MARCHF1: variants seen among roughly 807,000 people sequenced by gnomAD.
The protein encoded by MARCHF1 is membrane associated ring-CH-type finger 1.
A neutral mutation model predicts 54.2 loss-of-function variants in MARCHF1; 40 were observed. The ratio of observed to expected loss-of-function variants is 0.74; its 90% CI spans 0.57 to 0.96. MARCHF1 has a LOEUF of 0.96. MARCHF1 is among the 40% of genes least tolerant of loss of function. MARCHF1 has a pLI of 0.00. For missense variants in MARCHF1, 586 were observed against 656.5 expected, an observed-to-expected ratio of 0.89 and a Z score of 1.17; for synonymous variants, 236 against 236.3, an observed-to-expected ratio of 1.00 and a Z score of 0.01.
At chr4:164,042,598 A>G (rs188207678) in intron 2 of MARCHF1, among the ~76,000 whole-genome samples, 1 of 152,210 alleles carries the variant, frequency 6.6e-6, no homozygotes, top group East Asian at 1.9e-4. Flanking sequence ...AATCCAAACC[A>G]TATATTCTAC....
chr4:164,156,944 C>G (rs1730094510), intron 1 of MARCHF1, among the ~76,000 whole-genome samples: 1 of 152,134 alleles, frequency 6.6e-6, no homozygotes, highest in Admixed American at 6.5e-5. Context: ...GAGATTTGTT[C>G]ATGCGTTAAA....
Position 163,566,992 on chromosome 4 carries a change from C to A in MARCHF1, c.1191+18757G>T, listed in dbSNP as rs763128476. ...TTCACCAACACACCTTGCATGCAAACTCTTAGGGACCACATGAACCAGGAA... is the reference window on the plus strand; with the variant it reads ...TTCACCAACACACCTTGCATGCAAAATCTTAGGGACCACATGAACCAGGAA... On this transcript the variant is annotated intron_variant, in intron 8 of 9. Coordinates refer to ENST00000514618, the MANE Select transcript of MARCHF1 (RefSeq NM_001394959.1). Among the ~76,000 whole-genome samples the A allele has an allele frequency of 2.6e-4, 40 of 152,166 alleles. 1 individual carries two copies. The highest frequency in any genetic ancestry group is 5.3e-4 in the Non-Finnish European group (36 of 68,018).
intron 5 of MARCHF1, among the ~76,000 whole-genome samples, chr4:163,646,147 C>T (rs1742752062): frequency 6.6e-6 from 1 of 152,068 alleles, no homozygotes. Context: ...CTGGTCACAT[C>T]CAAGGGAACC....
intron 1 of MARCHF1, among the ~76,000 whole-genome samples, chr4:164,222,822 G>C (rs544055244): frequency 6.6e-6 from 1 of 152,014 alleles, no homozygotes; most frequent in Non-Finnish European, 1.5e-5. Flanking sequence ...TAACACAGAA[G>C]GAATAATAAA....
chr4:163,924,099 G>A (rs79304881), intron 3 of MARCHF1, among the ~76,000 whole-genome samples: 3,571 of 152,134 alleles, frequency 0.023, 130 homozygotes, highest in African/African-American at 0.082. Context: ...CTTGATGCAT[G>A]GAGTGTAGAA....
chr4:163,839,399 T>C (rs1041344972), intron 4 of MARCHF1, among the ~76,000 whole-genome samples: 1 of 152,086 alleles, frequency 6.6e-6, no homozygotes, highest in Non-Finnish European at 1.5e-5. Context: ...TAGGTTCACA[T>C]AAAAGCTTGC....
chr4:163,898,260 A>G (rs1401769168), intron 3 of MARCHF1, among the ~76,000 whole-genome samples: 1 of 152,144 alleles, frequency 6.6e-6, no homozygotes, highest in Non-Finnish European at 1.5e-5. Flanking sequence ...GGCAACCTAC[A>G]GAATGGGAGA....
chr4:164,155,337 A>T (rs930222026), intron 1 of MARCHF1, among the ~76,000 whole-genome samples: 2 of 151,756 alleles, frequency 1.3e-5, no homozygotes, highest in African/African-American at 4.8e-5. Context: ...AAACTTTCAA[A>T]AAAAAAAGAA....
chr4:164,185,988 G>C (rs1201218139), intron 1 of MARCHF1, among the ~76,000 whole-genome samples: 1 of 152,168 alleles, frequency 6.6e-6, no homozygotes, highest in African/African-American at 2.4e-5. Flanking sequence ...CTGCCTCTGG[G>C]TTCAAGTGAT....
rs529021137 is a variant in MARCHF1 at position 163,940,239 on chromosome 4, T to C, written c.-39+48262A>G. On this transcript the variant is annotated intron_variant, in intron 3 of 9. Transcript: ENST00000514618. ...TGTTGTTTAGCCACTAACTTTATGA[T>C]GTTCTATTATATAATGGCAGTTTGC... Among the ~76,000 whole-genome samples the C allele has an allele frequency of 4.6e-5, 7 of 152,258 alleles. No homozygotes were observed. The South Asian group carries it at 1.5e-3, about 32-fold the overall frequency.
chr4:164,197,802 A>G, intron 1 of MARCHF1: 2 of 1,587,184 alleles, frequency 1.3e-6, no homozygotes, highest in Non-Finnish European at 1.7e-6. Flanking sequence ...AGGACTTTGA[A>G]GACTCAACCA....
intron 4 of MARCHF1, among the ~76,000 whole-genome samples, chr4:163,752,492 TCA>T (rs968308471): frequency 2.6e-5 from 4 of 152,198 alleles, no homozygotes; most frequent in Non-Finnish European, 5.9e-5. Flanking sequence ...GACTTTAGCC[TCA>T]GTTTCTTTGT....
intron 1 of MARCHF1, among the ~76,000 whole-genome samples, chr4:164,284,319 TGA>T (rs1221486050): frequency 1.7e-4 from 22 of 126,108 alleles, no homozygotes; most frequent in African/African-American, 6.5e-4. Flanking sequence ...CTAAAGAAAG[TGA>T]GAGAGAGAGA....
chr4:164,337,957 T>C (rs1002263643), intron 1 of MARCHF1, among the ~76,000 whole-genome samples: 1 of 152,224 alleles, frequency 6.6e-6, no homozygotes, highest in African/African-American at 2.4e-5. Flanking sequence ...AATGCCTAAG[T>C]ATCTCAGAAT....
intron 9 of MARCHF1, among the ~76,000 whole-genome samples, chr4:163,534,548 C>G (rs186497948): frequency 2.4e-4 from 36 of 152,140 alleles, no homozygotes; most frequent in African/African-American, 8.4e-4. Flanking sequence ...TGGAGTTAAA[C>G]TCTTTGAAGG....
At chr4:164,141,165 G>C (rs1408484147) in intron 1 of MARCHF1, among the ~76,000 whole-genome samples, 1 of 152,144 alleles carries the variant, frequency 6.6e-6, no homozygotes, top group Non-Finnish European at 1.5e-5. Context: ...GTAGCAACAG[G>C]CATCAATGAT....
chr4:163,867,553 G>A (rs1750079890), intron 3 of MARCHF1, among the ~76,000 whole-genome samples: 1 of 151,536 alleles, frequency 6.6e-6, no homozygotes, highest in South Asian at 2.1e-4. Flanking sequence ...ATATGCCATT[G>A]TATACTCGGT....
At chr4:164,335,581 CAAA>C (rs34889741) in intron 1 of MARCHF1, among the ~76,000 whole-genome samples, 56,401 of 121,362 alleles carry the variant, frequency 0.46, 11,696 homozygotes, top group Non-Finnish European at 0.54. Flanking sequence ...GACTCCATCT[CAAA>C]AAAAAAAAAA....
At chr4:163,765,877 A>T (rs948415143) in intron 4 of MARCHF1, among the ~76,000 whole-genome samples, 2 of 147,884 alleles carry the variant, frequency 1.4e-5, no homozygotes, top group Non-Finnish European at 3.0e-5. Flanking sequence ...CATATATATA[A>T]TATATACATA....
Sources: gnomAD v4.1 joint callset for allele counts (sites outside exome capture counted in the v4.1 genomes callset) on GRCh38, gnomAD v4.1.1 for gene constraint, MANE v1.5 for transcripts, NCBI Gene and HGNC (gene_info 2026-07-23, HGNC 2026-07-21) for gene names.